The following SEMA5B variants were observed in gnomAD, a reference collection of about 807,000 sequenced individuals.
SEMA5B encodes the protein semaphorin 5B.
Under a neutral mutation model 135.0 loss-of-function variants are expected in SEMA5B, and 66 were observed. The ratio of observed to expected loss-of-function variants is 0.49; its 90% CI spans 0.40 to 0.60. The LOEUF is 0.60. SEMA5B is among the 20% of genes least tolerant of loss of function. The pLI, the probability that SEMA5B is intolerant of heterozygous loss-of-function variation, is 0.00. For synonymous variants in SEMA5B, 690 were observed against 639.5 expected, an observed-to-expected ratio of 1.08 and a Z score of -1.19; for missense variants, 1,501 against 1,566.3, an observed-to-expected ratio of 0.96 and a Z score of 0.70.
intron 1 of SEMA5B, among the ~76,000 whole-genome samples, chr3:123,004,095 C>T (rs1044960489): frequency 1.3e-5 from 2 of 152,178 alleles, no homozygotes; most frequent in Non-Finnish European, 2.9e-5. Flanking sequence ...TACCCTTAAA[C>T]CTGTCAAGGC....
intron 1 of SEMA5B, among the ~76,000 whole-genome samples, chr3:122,993,622 G>C (rs551579154): frequency 2.0e-5 from 3 of 152,052 alleles, no homozygotes; most frequent in African/African-American, 7.3e-5. Flanking sequence ...AGTATCTATC[G>C]GTCCCTCTCT....
intron 1 of SEMA5B, among the ~76,000 whole-genome samples, chr3:123,006,609 C>A (rs538810768): frequency 1.3e-5 from 2 of 152,266 alleles, no homozygotes; most frequent in African/African-American, 2.4e-5. Context: ...TGGGGCAAAC[C>A]CTTTCCCTTA....
chr3:122,911,157 A>C, intron 21 of SEMA5B, 112 bp from the exon 22 acceptor site: 2 of 1,059,732 alleles, frequency 1.9e-6, no homozygotes, highest in South Asian at 3.3e-5. Flanking sequence ...CATCCTGGAA[A>C]GGGCTCTGAG....
chr3:122,985,219 A>G (rs1175772842), intron 1 of SEMA5B, among the ~76,000 whole-genome samples: 1 of 152,244 alleles, frequency 6.6e-6, no homozygotes, highest in Non-Finnish European at 1.5e-5. Flanking sequence ...ATGGCCAGGC[A>G]CAGTGGCTCA....
chr3:123,014,907 G>A (rs771099318), intron 1 of SEMA5B, among the ~76,000 whole-genome samples: 2 of 152,220 alleles, frequency 1.3e-5, no homozygotes, highest in African/African-American at 2.4e-5. Flanking sequence ...TGTTGCAGAT[G>A]TAGTTAGATG....
At chr3:122,995,340 C>A (rs1941999387) in intron 1 of SEMA5B, among the ~76,000 whole-genome samples, 1 of 152,148 alleles carries the variant, frequency 6.6e-6, no homozygotes, top group Admixed American at 6.5e-5. Flanking sequence ...ACAAGTTTCT[C>A]CAGAGACCAA....
In SEMA5B at chr3:122,913,862, C is replaced by T; in HGVS notation, c.2128G>A (p.Glu710Lys). The change falls in exon 15 of 23, where the codon GAA becomes AAA. Residue 710 changes from glutamate (E) to lysine (K), a missense_variant. Around this residue, in one of 2 missense-constraint regions of SEMA5B, gnomAD observed 927 missense variants for 881.6 expected, o/e 1.05. Transcript: ENST00000357599. ...GRICVGKSRE[E>K]RFCNENTPCP... ...AGCAAGCCTGTTCTCCCTCACCGTT[C>T]CTCCCGGCTCTTGCCCACGCAGATG... 1 of 1,603,148 alleles carries T rather than the reference C, an allele frequency of 6.2e-7. No individual in the cohort carries two copies.
At chr3:122,999,235 CT>C (rs1314285931) in intron 1 of SEMA5B, among the ~76,000 whole-genome samples, 1 of 151,428 alleles carries the variant, frequency 6.6e-6, no homozygotes, top group Non-Finnish European at 1.5e-5. Flanking sequence ...GTAGATTTTT[CT>C]TTTTTTTTAG....
intron 1 of SEMA5B, among the ~76,000 whole-genome samples, chr3:122,989,317 G>T (rs1209969271): frequency 6.6e-6 from 1 of 152,156 alleles, no homozygotes; most frequent in Non-Finnish European, 1.5e-5. Flanking sequence ...TGTGAGCTGG[G>T]GTCTGCTGCC....
At chr3:122,966,529 A>G (rs904463144) in intron 1 of SEMA5B, among the ~76,000 whole-genome samples, 5 of 130,456 alleles carry the variant, frequency 3.8e-5, no homozygotes, top group Admixed American at 2.3e-4. Flanking sequence ...AATTCATTGT[A>G]AGAATGTTTA....
At chr3:122,979,845 C>T (rs576949434) in intron 1 of SEMA5B, among the ~76,000 whole-genome samples, 7 of 152,214 alleles carry the variant, frequency 4.6e-5, no homozygotes, top group African/African-American at 1.4e-4. Flanking sequence ...TTTCTAACAG[C>T]GCCTTAGATT....
intron 1 of SEMA5B, among the ~76,000 whole-genome samples, chr3:122,967,866 G>A (rs1940938340): frequency 6.6e-6 from 1 of 152,232 alleles, no homozygotes; most frequent in Non-Finnish European, 1.5e-5. Context: ...GGAAGAAGTA[G>A]GCTGGTGTCA....
At position 122,927,968 on chromosome 3, in the gene SEMA5B, A is replaced by T; in HGVS notation, c.672T>A (p.Asn224Lys). Residue 224 changes from asparagine (N) to lysine (K), a missense_variant, in exon 8 of 23, where the codon AAT (asparagine) becomes AAA (lysine). Around this residue, in one of 2 missense-constraint regions of SEMA5B, gnomAD observed 574 missense variants for 684.7 expected, o/e 0.84. Transcript: ENST00000357599. ...GGTCATAGGGGCAGCGGGCCACACC[A>T]TTGATCTTCTCAATAGTCCGGCTGA... ...GNLSRTIEKINGVARCPYDPR... is the reference protein window; with the variant it reads ...GNLSRTIEKIKGVARCPYDPR... The T allele has an allele frequency of 6.5e-7, 1 of 1,537,670 alleles. No individual in the cohort carries two copies. Among genetic ancestry groups the T allele is most frequent in the Non-Finnish European group, 8.8e-7 (1 of 1,140,054 alleles).
At position 123,016,463 on chromosome 3, in the gene SEMA5B, C is replaced by T. The variant is rs541198295; in HGVS notation, c.-39+11001G>A. Among the ~76,000 whole-genome samples the T allele has an allele frequency of 1.4e-4, 21 of 152,290 alleles. No homozygotes were observed. In the South Asian group the frequency reaches 4.4e-3, roughly 32 times the overall value. ...ATCATCACTTAATTACTTGTAACAC[C>T]TAATACAACGTAAGTACTACGTAAA... On this transcript the variant is annotated intron_variant, in intron 1 of 22. Transcript: ENST00000357599.
At chr3:122,953,968 G>A (rs766005199) in intron 2 of SEMA5B, among the ~76,000 whole-genome samples, 1 of 152,264 alleles carries the variant, frequency 6.6e-6, no homozygotes, top group Non-Finnish European at 1.5e-5. Flanking sequence ...CCACAGCAAT[G>A]TGGGTGTGTG....
chr3:122,996,773 T>C (rs1167441811), intron 1 of SEMA5B, among the ~76,000 whole-genome samples: 1 of 152,192 alleles, frequency 6.6e-6, no homozygotes, highest in Non-Finnish European at 1.5e-5. Flanking sequence ...GACTGCCCTG[T>C]CCTTGCCCTG....
At chr3:123,000,390 A>G (rs1942139480) in intron 1 of SEMA5B, among the ~76,000 whole-genome samples, 1 of 152,088 alleles carries the variant, frequency 6.6e-6, no homozygotes, top group Admixed American at 6.5e-5. Flanking sequence ...AGTCATCATG[A>G]GGCAAGTGCC....
chr3:122,929,609 G>C (rs1371606647), intron 5 of SEMA5B, among the ~76,000 whole-genome samples: 1 of 152,154 alleles, frequency 6.6e-6, no homozygotes, highest in Non-Finnish European at 1.5e-5. Flanking sequence ...ACCTCGTGTA[G>C]AGCAGGGACT....
At chr3:122,958,113 C>T (rs1428626468) in intron 2 of SEMA5B, 2 of 152,248 alleles carry the variant, frequency 1.3e-5, no homozygotes, top group Non-Finnish European at 2.9e-5. Flanking sequence ...GCCCCAAGCC[C>T]AGAGTGATGA....
Sources: allele counts gnomAD v4.1 joint callset (sites outside exome capture counted in the v4.1 genomes callset), GRCh38; gene constraint gnomAD v4.1.1; regional missense constraint gnomAD v4.1.1; transcripts MANE v1.5; gene names NCBI Gene and HGNC (gene_info 2026-07-23, HGNC 2026-07-21).